PEX12: variants seen among roughly 807,000 people sequenced by gnomAD.
PEX12 encodes peroxisome assembly protein 12.
A neutral mutation model predicts 32.5 loss-of-function variants in PEX12; 31 were observed. That is an observed-to-expected ratio of 0.95 (90% CI 0.72 to 1.29). The LOEUF is 1.29. PEX12 is among the 50% of genes most tolerant of loss of function. PEX12 has a pLI of 0.00. For synonymous variants in PEX12, 148 were observed against 157.2 expected, an observed-to-expected ratio of 0.94 and a Z score of 0.44; for missense variants, 359 against 419.0, an observed-to-expected ratio of 0.86 and a Z score of 1.25.
In PEX12 at chr17:35,576,184, GTT is replaced by G. The variant is rs2072784367; in HGVS notation, c.681-5_681-4del. 2 of 1,607,138 alleles carry G rather than the reference GTT, an allele frequency of 1.2e-6. No individual in the cohort carries two copies. Among genetic ancestry groups the G allele is most frequent in the African/African-American group, 2.9e-5 (2 of 69,396 alleles). ...CTGAGTTTATCTTCTCACTAACACT[GTT>G]GGGAGAAAAGAACAAGGAGGCAAAG... On this transcript the variant is annotated splice_region_variant and splice_polypyrimidine_tract_variant and intron_variant, in intron 2 of 2. Coordinates refer to ENST00000225873, the MANE Select transcript of PEX12 (RefSeq NM_000286.3).
Position 35,574,831 on chromosome 17 carries a change from T to TA in PEX12, c.*950dup, listed in dbSNP as rs1390233444. 3.1e-4 allele frequency: 47 copies of TA among 152,644 alleles called. No homozygotes were observed. The highest frequency in any genetic ancestry group is 5.7e-4 in the Non-Finnish European group (39 of 68,042). 9.5% of individuals were successfully genotyped at this position (152,644 alleles called of 1,614,324 possible). On this transcript the variant is annotated 3_prime_UTR_variant, in exon 3 of 3. Transcript: ENST00000225873. ...AAAAATTTATTTTAAACACCTCAAG[T>TA]AATCTTTACATTTCTACAAAATCAT...
rs2072791493 is a variant in PEX12 at position 35,577,304 on chromosome 17, T to C, written c.414A>G (p.Arg138=). Residue 138 remains arginine (R), a synonymous_variant, in exon 2 of 3, where the codon AGA becomes AGG. Coordinates refer to ENST00000225873, the MANE Select transcript of PEX12 (RefSeq NM_000286.3). ...GATGAATAGAATATTCATCCTCTTCTCTCAGGCTAGAAACCAGCTTCTCCA... is the reference window on the plus strand; with the variant it reads ...GATGAATAGAATATTCATCCTCTTCCCTCAGGCTAGAAACCAGCTTCTCCA... The part of the protein sequence containing the change: ...VKLEKLVSSL[R]EEDEYSIHPP... The C allele has an allele frequency of 6.2e-7, 1 of 1,614,044 alleles. No homozygotes were observed. Among genetic ancestry groups the C allele is most frequent in the Admixed American group, 1.7e-5 (1 of 59,986 alleles).
chr17:35,575,907 T>C lies in PEX12; in HGVS notation c.955A>G (p.Thr319Ala). ...KTRVNDTVLA[T>A]SGYVFCYRCV... ...CGGTAACAAAACACATAGCCAGAGGTGGCAAGAACAGTATCATTCACCCGG... is the reference window on the plus strand; with the variant it reads ...CGGTAACAAAACACATAGCCAGAGGCGGCAAGAACAGTATCATTCACCCGG... Residue 319 changes from threonine (T) to alanine (A), a missense_variant, in exon 3 of 3, where the codon ACC becomes GCC. Transcript: ENST00000225873. 1 of 1,614,068 alleles carries C rather than the reference T, an allele frequency of 6.2e-7. No homozygotes were observed. The highest frequency in any genetic ancestry group is 8.5e-7 in the Non-Finnish European group (1 of 1,180,014).
chr17:35,578,004 A>G lies in PEX12; in HGVS notation c.18T>C (p.Ala6=), dbSNP rs2142231767. ...CGGCCACAGAAGCAGCTGTGAAGTG[A>G]GCCCCGTGCTCAGCCATAGTTTCCT... is the stretch of plus-strand genomic sequence containing the variant. MAEHG[A]HFTAASVADD... The change falls in exon 1 of 3, where the codon GCT becomes GCC. Residue 6 remains alanine, a synonymous_variant. Transcript: ENST00000225873. The G allele has an allele frequency of 6.2e-7, 1 of 1,614,146 alleles. No individual in the cohort carries two copies. The highest frequency in any genetic ancestry group is 8.5e-7 in the Non-Finnish European group (1 of 1,180,014).
chr17:35,576,100 A>G lies in PEX12; in HGVS notation c.762T>C (p.Gly254=). The change falls in exon 3 of 3, where the codon GGT becomes GGC. Residue 254 remains glycine, a synonymous_variant. Transcript: ENST00000225873. The stretch of plus-strand genomic sequence containing the variant: ...AGTCAAGGAACTGCAAGAAGAATAC[A>G]CCCACAGAAAGGCCAGTAGACAGGG... The part of the protein sequence containing the change: ...ALSLSTGLSV[G]VFFLQFLDWW... 6.2e-7 allele frequency: 1 copy of G among 1,614,136 alleles called. No homozygotes were observed. The highest frequency in any genetic ancestry group is 8.5e-7 in the Non-Finnish European group (1 of 1,180,008).
Position 35,578,555 on chromosome 17 carries a change from G to A in PEX12, c.-534C>T, listed in dbSNP as rs2278950. Reference sequence around the variant, plus strand: ...ACCCACGACGCCACGTTTGAAGGGAGGTCTCCGCTTTATGACAGAAGCCGC... The same window carrying A: ...ACCCACGACGCCACGTTTGAAGGGAAGTCTCCGCTTTATGACAGAAGCCGC... On this transcript the variant is annotated 5_prime_UTR_variant, in exon 1 of 3. Coordinates refer to ENST00000225873, the MANE Select transcript of PEX12 (RefSeq NM_000286.3). The A allele has an allele frequency of 0.051, 11,023 of 214,666 alleles. 494 individuals are homozygous for A. Among genetic ancestry groups the A allele is most frequent in the East Asian group, 0.14 (1,242 of 8,864 alleles). The allele number at this position is 214,666 out of a possible 1,614,324, so 13.3% of individuals were successfully genotyped here.
At chr17:35,577,667 C>T in intron 1 of PEX12, 76 bp from the exon 2 acceptor site, 2 of 1,456,126 alleles carry the variant, frequency 1.4e-6, no homozygotes, top group South Asian at 1.1e-5. Flanking sequence ...CCCCCTTTTC[C>T]TCTAAAGTCT....
chr17:35,577,147 G>T lies in PEX12; in HGVS notation c.571C>A (p.Pro191Thr), dbSNP rs2072790056. 1.2e-6 allele frequency: 2 copies of T among 1,613,996 alleles called. No individual in the cohort carries two copies. Among genetic ancestry groups the T allele is most frequent in the Non-Finnish European group, 1.7e-6 (2 of 1,179,872 alleles). The part of the protein sequence containing the change: ...YILGKAQHHS[P>T]LLRLAGVQLG... ...TGAACTCCAGCCAGCCTCAGCAGTGGTGAGTGATGCTGAGCTTTTCCTAGG... is the reference window on the plus strand; with the variant it reads ...TGAACTCCAGCCAGCCTCAGCAGTGTTGAGTGATGCTGAGCTTTTCCTAGG... The change falls in exon 2 of 3, where the codon CCA becomes ACA. Residue 191 changes from proline to threonine, a missense_variant. By Grantham distance (38) the Pro-to-Thr change is conservative. Transcript: ENST00000225873.
Position 35,575,859 on chromosome 17 carries a change from T to C in PEX12, c.1003A>G (p.Ser335Gly). 6.2e-7 allele frequency: 1 copy of C among 1,614,148 alleles called. No individual in the cohort carries two copies. Among genetic ancestry groups the C allele is most frequent in the Non-Finnish European group, 8.5e-7 (1 of 1,179,994 alleles). ...CYRCVFHYVR[S>G]HQACPITGYP... ...CCTGTGATGGGACAAGCTTGGTGAC[T>C]CCTCACATAATGAAACACACAGCGG... Residue 335 changes from serine to glycine, a missense_variant, in exon 3 of 3, where the codon AGT becomes GGT. Coordinates refer to ENST00000225873, the MANE Select transcript of PEX12 (RefSeq NM_000286.3).
Position 35,576,017 on chromosome 17 carries a change from G to A in PEX12, c.845C>T (p.Pro282Leu). ...TIKSLTALPT[P>L]PPPVHLDYNS... Reference sequence around the variant, plus strand: ...ATAGTCTAGGTGTACAGGTGGTGGTGGAGTAGGCAGGGCAGTCAATGACTT... The same window carrying A: ...ATAGTCTAGGTGTACAGGTGGTGGTAGAGTAGGCAGGGCAGTCAATGACTT... Residue 282 changes from proline to leucine, a missense_variant, in exon 3 of 3, where the codon CCA (proline) becomes CTA (leucine). Coordinates refer to ENST00000225873, the MANE Select transcript of PEX12 (RefSeq NM_000286.3). The A allele has an allele frequency of 1.2e-6, 2 of 1,614,020 alleles. No individual in the cohort carries two copies. The highest frequency in any genetic ancestry group is 4.5e-5 in the East Asian group (2 of 44,900).
chr17:35,577,722 G>A (rs1267767746), intron 1 of PEX12, 131 bp from the exon 2 acceptor site: 5 of 1,273,250 alleles, frequency 3.9e-6, no homozygotes, highest in Non-Finnish European at 5.6e-6. Flanking sequence ...CTGAAATGCT[G>A]GGTATTCAGT....
chr17:35,577,656 T>C (rs913800657), intron 1 of PEX12, 65 bp from the exon 2 acceptor site: 3 of 1,479,298 alleles, frequency 2.0e-6, no homozygotes, highest in Non-Finnish European at 2.8e-6. Flanking sequence ...CTATTTACAT[T>C]CCCCCTTTTC....
Position 35,574,913 on chromosome 17 carries a change from A to C in PEX12, c.*869T>G, listed in dbSNP as rs2072775752. 1 of 152,622 alleles carries C rather than the reference A, an allele frequency of 6.6e-6. No individual in the cohort carries two copies. The allele number at this position is 152,622 out of a possible 1,614,324, so 9.5% of individuals were successfully genotyped here. A position where few individuals can be genotyped will look rare whatever the true frequency, so the allele number is the denominator to read the frequency against. The stretch of plus-strand genomic sequence containing the variant: ...TAAAATCTACTTAAGTGTTTCATAG[A>C]AACTTTAGTAATAACCAGAATAATT... On this transcript the variant is annotated 3_prime_UTR_variant, in exon 3 of 3. Coordinates refer to ENST00000225873, the MANE Select transcript of PEX12 (RefSeq NM_000286.3).
At chr17:35,576,297 A>G in intron 2 of PEX12, 116 bp from the exon 3 acceptor site, 2 of 937,652 alleles carry the variant, frequency 2.1e-6, no homozygotes, top group Non-Finnish European at 3.3e-6. Context: ...GGGGGACTGA[A>G]TGGTTGGTAG....
chr17:35,576,937 A>G (rs2072788777), intron 2 of PEX12, 101 bp downstream of exon 2: 3 of 1,007,132 alleles, frequency 3.0e-6, no homozygotes, highest in African/African-American at 1.7e-5. Context: ...CTATGACTCT[A>G]TGAAATGCCA....
chr17:35,576,167 A>C lies in PEX12; in HGVS notation c.695T>G (p.Ile232Arg). ...AACAGCTTTCTTCAGAGCTGAGTTT[A>C]TCTTCTCACTAACACTGTTGGGAGA... The part of the protein sequence containing the change: ...QQPARSVSEK[I>R]NSALKKAVGG... The change falls in exon 3 of 3, where the codon ATA (isoleucine) becomes AGA (arginine). Residue 232 changes from isoleucine (I) to arginine (R), a missense_variant. Physicochemically the swap from Ile to Arg is moderately conservative, Grantham distance 97 (BLOSUM62 -3). Transcript: ENST00000225873. 1 of 1,614,102 alleles carries C rather than the reference A, an allele frequency of 6.2e-7. No individual in the cohort carries two copies. Among genetic ancestry groups the C allele is most frequent in the Non-Finnish European group, 8.5e-7 (1 of 1,180,004 alleles).
At chr17:35,577,790 T>C in intron 1 of PEX12, 106 bp downstream of exon 1, 1 of 1,496,450 alleles carries the variant, frequency 6.7e-7, no homozygotes, top group Non-Finnish European at 9.3e-7. Context: ...ATACAAGTTA[T>C]TTGCAAATTG....
chr17:35,578,128 T>G lies in PEX12; in HGVS notation c.-107A>C. The stretch of plus-strand genomic sequence containing the variant: ...TGGGTGCTCAGTCTTAAAGGTAAAC[T>G]TTCTGCATGATATCTGAAACTCGAA... On this transcript the variant is annotated 5_prime_UTR_variant, in exon 1 of 3. Coordinates refer to ENST00000225873, the MANE Select transcript of PEX12 (RefSeq NM_000286.3). The G allele has an allele frequency of 7.2e-7, 1 of 1,391,594 alleles. No homozygotes were observed. The highest frequency in any genetic ancestry group is 1.2e-5 in the South Asian group (1 of 85,692). 86.2% of individuals were successfully genotyped at this position (1,391,594 alleles called of 1,614,324 possible). A position where few individuals can be genotyped will look rare whatever the true frequency, so the allele number is the denominator to read the frequency against.
Position 35,577,596 on chromosome 17 carries a change from A to G in PEX12, c.127-5T>C. 1 of 1,610,408 alleles carries G rather than the reference A, an allele frequency of 6.2e-7. No homozygotes were observed. The highest frequency in any genetic ancestry group is 8.5e-7 in the Non-Finnish European group (1 of 1,178,900). Reference sequence around the variant, plus strand: ...GGGATTTGATTCTGCAAGAACCTAAAGCAAAATAAAGCAATAAGTGAAATT... The same window carrying G: ...GGGATTTGATTCTGCAAGAACCTAAGGCAAAATAAAGCAATAAGTGAAATT... On this transcript the variant is annotated splice_polypyrimidine_tract_variant and splice_region_variant and intron_variant, in intron 1 of 2. Transcript: ENST00000225873.
Sources: allele counts gnomAD v4.1 joint callset, GRCh38; gene constraint gnomAD v4.1.1; transcripts MANE v1.5; gene names NCBI Gene and HGNC (gene_info 2026-07-23, HGNC 2026-07-21).